Variants in ENOX1 observed in about 807,000 individuals in gnomAD.
ENOX1 encodes candidate growth-related and time keeping constitutive hydroquinone (NADH) oxidase.
In ENOX1, 42 loss-of-function variants were observed where a neutral mutation model predicts 82.5. That is an observed-to-expected ratio of 0.51 (90% CI 0.40 to 0.66). The LOEUF (loss-of-function observed/expected upper bound fraction) is 0.66. ENOX1 is among the 30% of genes least tolerant of loss of function. The probability of loss-of-function intolerance (pLI) is 0.00; values close to 1 mark genes in which losing one functional copy is unlikely to be tolerated. For missense variants in ENOX1, 608 were observed against 811.6 expected, an observed-to-expected ratio of 0.75 and a Z score of 3.05; for synonymous variants, 271 against 282.2, an observed-to-expected ratio of 0.96 and a Z score of 0.40.
At chr13:43,330,192 G>A (rs1475066298) in intron 9 of ENOX1, among the ~76,000 whole-genome samples, 1 of 152,178 alleles carries the variant, frequency 6.6e-6, no homozygotes, top group Non-Finnish European at 1.5e-5. Flanking sequence ...ATCAGAACAG[G>A]CTCTTCAAAA....
intron 2 of ENOX1, among the ~76,000 whole-genome samples, chr13:43,627,092 A>G (rs543077110): frequency 1.8e-4 from 27 of 152,106 alleles, no homozygotes; most frequent in African/African-American, 5.8e-4. Context: ...TTTATCTGAT[A>G]TTAACATAGC....
rs148474034 is a variant in ENOX1 at position 43,773,881 on chromosome 13, C to T, written c.-285+12771G>A. 4.7e-4 allele frequency among the ~76,000 whole-genome samples: 72 copies of T among 152,230 alleles called. No individual in the cohort carries two copies. In the East Asian group the frequency reaches 8.3e-3, roughly 18 times the overall value. ...ACAACAAATACCTATTCATTAGGCA[C>T]GCACAATGAATATCTAGCATGCTTT... On this transcript the variant is annotated intron_variant, in intron 1 of 16. Transcript: ENST00000690772.
intron 2 of ENOX1, among the ~76,000 whole-genome samples, chr13:43,524,249 ACT>A (rs1012532176): frequency 1.1e-4 from 16 of 151,892 alleles, no homozygotes; most frequent in African/African-American, 3.9e-4. Context: ...AACCCCAGAC[ACT>A]CACATTTCTT....
At position 43,537,285 on chromosome 13, in the gene ENOX1, C is replaced by G. The variant is rs574753822; in HGVS notation, c.-218-53133G>C. Among the ~76,000 whole-genome samples the G allele has an allele frequency of 1.1e-4, 17 of 152,230 alleles. No homozygotes were observed. In the East Asian group the frequency reaches 2.9e-3, roughly 26 times the overall value. The stretch of plus-strand genomic sequence containing the variant: ...ATGGACGGGTTATCAGTTGAAGTCA[C>G]AACTCCCAGCTACCAATGACAAGTG... On this transcript the variant is annotated intron_variant, in intron 2 of 16. Coordinates refer to ENST00000690772, the MANE Select transcript of ENOX1 (RefSeq NM_001347969.2).
intron 3 of ENOX1, among the ~76,000 whole-genome samples, chr13:43,483,319 C>A (rs578260881): frequency 6.6e-6 from 1 of 152,234 alleles, no homozygotes; most frequent in Admixed American, 6.5e-5. Context: ...CAGAAAGTAC[C>A]TTCAAAATAA....
At chr13:43,289,836 A>T (rs554305918) in intron 12 of ENOX1, among the ~76,000 whole-genome samples, 1 of 152,332 alleles carries the variant, frequency 6.6e-6, no homozygotes, top group South Asian at 2.1e-4. Flanking sequence ...CAGCTGACAA[A>T]GGCCTAATAC....
intron 3 of ENOX1, among the ~76,000 whole-genome samples, chr13:43,460,234 C>T (rs2057406923): frequency 6.6e-6 from 1 of 152,158 alleles, no homozygotes; most frequent in Non-Finnish European, 1.5e-5. Context: ...TTCATCTTAA[C>T]TGCAGAAATT....
intron 2 of ENOX1, among the ~76,000 whole-genome samples, chr13:43,502,383 A>G (rs2077012244): frequency 6.6e-6 from 1 of 151,704 alleles, no homozygotes; most frequent in Non-Finnish European, 1.5e-5. Flanking sequence ...ACACCCCAAT[A>G]CAAACCAAGA....
At chr13:43,638,659 T>C (rs115586000) in intron 2 of ENOX1, among the ~76,000 whole-genome samples, 16 of 152,330 alleles carry the variant, frequency 1.1e-4, no homozygotes, top group African/African-American at 3.6e-4. Context: ...TGGTTACGTA[T>C]TTTATTCTCC....
intron 8 of ENOX1, among the ~76,000 whole-genome samples, chr13:43,345,437 C>T (rs1192807489): frequency 1.3e-5 from 2 of 152,134 alleles, no homozygotes; most frequent in Non-Finnish European, 2.9e-5. Context: ...GAGAGCCCAT[C>T]TGAACCCAGT....
intron 3 of ENOX1, among the ~76,000 whole-genome samples, chr13:43,436,055 T>C (rs2056010569): frequency 6.6e-6 from 1 of 152,126 alleles, no homozygotes; most frequent in Non-Finnish European, 1.5e-5. Flanking sequence ...TGAAAGGACA[T>C]AGCTGCCTCT....
intron 11 of ENOX1, among the ~76,000 whole-genome samples, chr13:43,301,771 T>C (rs2046592638): frequency 6.6e-6 from 1 of 152,162 alleles, no homozygotes; most frequent in South Asian, 2.1e-4. Flanking sequence ...TCCACTTAGC[T>C]TCAGGCCACC....
intron 2 of ENOX1, among the ~76,000 whole-genome samples, chr13:43,559,851 C>T (rs1338798963): frequency 6.6e-6 from 1 of 152,136 alleles, no homozygotes; most frequent in Admixed American, 6.5e-5. Flanking sequence ...TTGGAAAAGA[C>T]TAAAACACAA....
chr13:43,695,245 TAA>T (rs34890937), intron 1 of ENOX1, among the ~76,000 whole-genome samples: 8 of 144,278 alleles, frequency 5.5e-5, no homozygotes, highest in African/African-American at 1.8e-4. Context: ...AGCTCATATT[TAA>T]AAAAAAAAAA....
intron 1 of ENOX1, among the ~76,000 whole-genome samples, chr13:43,717,307 A>C (rs551760251): frequency 4.6e-4 from 70 of 152,352 alleles, no homozygotes; most frequent in African/African-American, 1.4e-3. Flanking sequence ...CTTCCTGTTC[A>C]ATAAATGGTG....
chr13:43,572,127 A>G (rs1477049186), intron 2 of ENOX1, among the ~76,000 whole-genome samples: 2 of 152,202 alleles, frequency 1.3e-5, no homozygotes, highest in Admixed American at 6.5e-5. Flanking sequence ...ATTATAATAC[A>G]TAGAGATAAA....
At chr13:43,691,140 T>C (rs923587430) in intron 1 of ENOX1, among the ~76,000 whole-genome samples, 9 of 152,148 alleles carry the variant, frequency 5.9e-5, no homozygotes, top group Non-Finnish European at 1.2e-4. Context: ...CAAGACAATC[T>C]TGTCTCCTCT....
chr13:43,279,583 T>A (rs775996908), intron 12 of ENOX1, among the ~76,000 whole-genome samples: 2 of 152,230 alleles, frequency 1.3e-5, no homozygotes, highest in Non-Finnish European at 2.9e-5. Flanking sequence ...GGTTCCCGTT[T>A]TTCACTTTCT....
intron 13 of ENOX1, among the ~76,000 whole-genome samples, chr13:43,265,982 T>G (rs541493803): frequency 1.4e-4 from 22 of 152,322 alleles, no homozygotes; most frequent in African/African-American, 5.1e-4. Flanking sequence ...GAGAAAGAGT[T>G]TGGATGACAT....
Sources: gnomAD v4.1 joint callset for allele counts (sites outside exome capture counted in the v4.1 genomes callset) on GRCh38, gnomAD v4.1.1 for gene constraint, MANE v1.5 for transcripts, NCBI Gene and HGNC (gene_info 2026-07-23, HGNC 2026-07-21) for gene names.